The following KCNMA1 variants were observed in gnomAD, a reference collection of about 807,000 sequenced individuals.
KCNMA1 encodes the protein Calcium-activated potassium channel subunit alpha-1.
Under a neutral mutation model 140.0 loss-of-function variants are expected in KCNMA1, and 29 were observed. The ratio of observed to expected loss-of-function variants is 0.21; its 90% confidence interval spans 0.15 to 0.28. The LOEUF is 0.28. KCNMA1 is among the 10% of genes least tolerant of loss of function. KCNMA1 has a pLI of 1.00. For missense variants in KCNMA1, 880 were observed against 1,602.2 expected, an observed-to-expected ratio of 0.55 and a Z score of 7.70; for synonymous variants, 612 against 611.9, an observed-to-expected ratio of 1.00 and a Z score of 0.00.
chr10:77,042,445 G>A (rs2094784160), intron 14 of KCNMA1, among the ~76,000 whole-genome samples: 2 of 152,116 alleles, frequency 1.3e-5, no homozygotes, highest in African/African-American at 4.8e-5. Flanking sequence ...TTAATGAATA[G>A]GATACTATAT....
chr10:76,930,284 A>C (rs1049788211), intron 23 of KCNMA1: 1 of 152,216 alleles, frequency 6.6e-6, no homozygotes, highest in Non-Finnish European at 1.5e-5. Flanking sequence ...AGTAGCAAGA[A>C]AATAAATAAC....
chr10:77,438,065 A>T (rs896192172), intron 1 of KCNMA1, among the ~76,000 whole-genome samples: 3 of 151,772 alleles, frequency 2.0e-5, no homozygotes. Flanking sequence ...TTTAATTTTA[A>T]TTTTTTTTGT....
intron 3 of KCNMA1, among the ~76,000 whole-genome samples, chr10:77,231,355 TGA>T (rs1371429370): frequency 6.6e-6 from 1 of 152,190 alleles, no homozygotes; most frequent in Non-Finnish European, 1.5e-5. Context: ...CTAAAGCGTG[TGA>T]GTTTTATATT....
chr10:77,446,713 G>GGAAA (rs2097535992), intron 1 of KCNMA1, among the ~76,000 whole-genome samples: 1 of 152,234 alleles, frequency 6.6e-6, no homozygotes, highest in Non-Finnish European at 1.5e-5. Flanking sequence ...AGAGTGGGCA[G>GGAAA]GAAAGACAGG....
At chr10:77,350,203 T>C (rs2092707440) in intron 2 of KCNMA1, 1 of 152,270 alleles carries the variant, frequency 6.6e-6, no homozygotes, top group Admixed American at 6.5e-5. Context: ...CCAGCCTACA[T>C]GCCCATTTCA....
downstream of KCNMA1, among the ~76,000 whole-genome samples, chr10:76,881,811 AG>A (rs1015670531): frequency 2.0e-5 from 3 of 152,046 alleles, no homozygotes; most frequent in Middle Eastern, 3.2e-3. Flanking sequence ...GAGGTGACAG[AG>A]GGGGATTTGG....
chr10:77,143,964 C>A (rs373819982), intron 5 of KCNMA1, among the ~76,000 whole-genome samples: 2 of 152,128 alleles, frequency 1.3e-5, no homozygotes, highest in Non-Finnish European at 2.9e-5. Context: ...CACCCTCACA[C>A]GTTGCTAGTA....
At chr10:77,227,862 A>C (rs1174492508) in intron 3 of KCNMA1, among the ~76,000 whole-genome samples, 1 of 152,148 alleles carries the variant, frequency 6.6e-6, no homozygotes, top group African/African-American at 2.4e-5. Context: ...ATCTGTAAGA[A>C]GGGGGTAATA....
chr10:77,216,323 T>C (rs561144459), intron 3 of KCNMA1, among the ~76,000 whole-genome samples: 1 of 152,178 alleles, frequency 6.6e-6, no homozygotes, highest in African/African-American at 2.4e-5. Context: ...ATGAGTGAAT[T>C]CTATGGTATA....
intron 5 of KCNMA1, among the ~76,000 whole-genome samples, chr10:77,142,701 C>A (rs2098206831): frequency 6.6e-6 from 1 of 152,118 alleles, no homozygotes; most frequent in African/African-American, 2.4e-5. Flanking sequence ...TGGTGAGAAA[C>A]TAACTCTCCA....
chr10:77,551,890 C>T (rs535887744), intron 1 of KCNMA1, among the ~76,000 whole-genome samples: 20 of 152,176 alleles, frequency 1.3e-4, no homozygotes, highest in Middle Eastern at 3.4e-3. Context: ...CAAAGGGGAC[C>T]GTACAGTTCT....
chr10:77,395,974 A>C (rs181898671), intron 2 of KCNMA1, among the ~76,000 whole-genome samples: 15 of 152,292 alleles, frequency 9.8e-5, no homozygotes, highest in African/African-American at 2.9e-4. Context: ...GTAAAAAAAG[A>C]ATGTATCTTC....
chr10:76,895,786 G>C (rs1473502448), intron 25 of KCNMA1, among the ~76,000 whole-genome samples: 1 of 152,136 alleles, frequency 6.6e-6, no homozygotes, highest in Non-Finnish European at 1.5e-5. Context: ...TTTTAAAGCT[G>C]GGTGTCTGGG....
chr10:76,975,713 C>T (rs775616668), intron 19 of KCNMA1, among the ~76,000 whole-genome samples: 22 of 152,162 alleles, frequency 1.4e-4, no homozygotes, highest in Non-Finnish European at 3.2e-4. Context: ...AGTTTCTTGC[C>T]TGACAACCTT....
intron 1 of KCNMA1, among the ~76,000 whole-genome samples, chr10:77,438,586 G>GTA (rs1295329571): frequency 1.7e-4 from 26 of 150,652 alleles, no homozygotes; most frequent in Non-Finnish European, 3.2e-4. Context: ...AAACAAAGAA[G>GTA]TACTTCAAAT....
At chr10:77,217,027 A>G (rs2047986485) in intron 3 of KCNMA1, among the ~76,000 whole-genome samples, 1 of 152,166 alleles carries the variant, frequency 6.6e-6, no homozygotes, top group Non-Finnish European at 1.5e-5. Context: ...GGCCAGGTGC[A>G]ATCTTAATCG....
chr10:76,891,509 G>A lies in KCNMA1; in HGVS notation c.3342+16C>T, dbSNP rs201689450. On this transcript the variant is annotated intron_variant, in intron 26 of 27. Transcript: ENST00000286628. ...CCAAACAGCAAGCTCAGGTGACCTC[G>A]GTGCTGTGGACTCACCCCTAAGTCC... The A allele has an allele frequency of 5.1e-5, 82 of 1,605,476 alleles. No individual in the cohort carries two copies. Among genetic ancestry groups the A allele is most frequent in the Non-Finnish European group, 5.9e-5 (69 of 1,174,692 alleles).
At chr10:76,949,667 A>G (rs920477964) in intron 21 of KCNMA1, among the ~76,000 whole-genome samples, 4 of 152,214 alleles carry the variant, frequency 2.6e-5, no homozygotes, top group African/African-American at 9.7e-5. Context: ...GACCTTCATA[A>G]TAATTTTCAG....
chr10:77,448,838 C>T (rs764739910), intron 1 of KCNMA1, among the ~76,000 whole-genome samples: 4 of 152,110 alleles, frequency 2.6e-5, no homozygotes, highest in Non-Finnish European at 5.9e-5. Context: ...CCTGTAATCC[C>T]AGCACTTTGG....
Sources: gnomAD v4.1 joint callset for allele counts (sites outside exome capture counted in the v4.1 genomes callset) on GRCh38, gnomAD v4.1.1 for gene constraint, MANE v1.5 for transcripts, NCBI Gene and HGNC (gene_info 2026-07-23, HGNC 2026-07-21) for gene names.